Variants in SLC8A1 observed in about 807,000 individuals in gnomAD.
The protein encoded by SLC8A1 is solute carrier family 8 member A1.
In SLC8A1, 18 loss-of-function variants were observed where a neutral mutation model predicts 68.3. That is an observed-to-expected ratio of 0.26 (90% CI 0.18 to 0.39). SLC8A1 has a LOEUF of 0.39. SLC8A1 is among the 10% of genes least tolerant of loss of function. The probability of loss-of-function intolerance (pLI) is 1.00; values close to 1 mark genes in which losing one functional copy is unlikely to be tolerated. For synonymous variants in SLC8A1, 475 were observed against 415.5 expected (o/e 1.14, Z -1.74); for missense variants, 985 against 1,156.7 (o/e 0.85, Z 2.15).
At chr2:40,115,669 T>G in intron 7 of SLC8A1, 40 bp from the exon 11 acceptor site, 2 of 1,574,494 alleles carry the variant, frequency 1.3e-6, no homozygotes, top group Non-Finnish European at 1.7e-6. Context: ...ACTCAATCTT[T>G]TAGAGATGTC....
At chr2:40,440,430 T>C (rs1700250428) in intron 1 of SLC8A1, among the ~76,000 whole-genome samples, 1 of 152,188 alleles carries the variant, frequency 6.6e-6, no homozygotes, top group South Asian at 2.1e-4. Context: ...CCTTTGCTAA[T>C]GCAACAATTA....
chr2:40,500,794 AC>A (rs1706009851), intron 1 of SLC8A1, among the ~76,000 whole-genome samples: 1 of 46,026 alleles, frequency 2.2e-5, no homozygotes, highest in Non-Finnish European at 4.1e-5. Flanking sequence ...TTATCATCTG[AC>A]TTTTTTTTTT....
chr2:40,348,528 G>C (rs953894392), intron 2 of SLC8A1, among the ~76,000 whole-genome samples: 1 of 152,154 alleles, frequency 6.6e-6, no homozygotes, highest in African/African-American at 2.4e-5. Context: ...ATCTGCGCAA[G>C]AAACATATGA....
Position 40,413,175 on chromosome 2 carries a change from A to G in SLC8A1, c.1808+15298T>C, listed in dbSNP as rs569717196. ...GGTGGGACTGTAAACTAGTTCAACC[A>G]TTGTGGAAGTCGGTGTGGCGATTCC... On this transcript the variant is annotated intron_variant, in intron 2 of 7. Transcript: ENST00000406785. 1.4e-4 allele frequency among the ~76,000 whole-genome samples: 21 copies of G among 152,320 alleles called. No homozygotes were observed. The East Asian group carries it at 3.7e-3, about 27-fold the overall frequency.
chr2:40,206,521 A>G (rs1027480351), intron 2 of SLC8A1, among the ~76,000 whole-genome samples: 2 of 152,064 alleles, frequency 1.3e-5, no homozygotes, highest in East Asian at 1.9e-4. Context: ...TAGGAATTGT[A>G]TACTGTAGTT....
intron 2 of SLC8A1, among the ~76,000 whole-genome samples, chr2:40,349,457 G>A (rs1401041214): frequency 6.6e-6 from 1 of 152,182 alleles, no homozygotes; most frequent in Admixed American, 6.5e-5. Context: ...CTAGTTACCA[G>A]TGAAGTCAGA....
At chr2:40,507,167 C>A (rs563618372) in intron 1 of SLC8A1, among the ~76,000 whole-genome samples, 228 of 151,746 alleles carry the variant, frequency 1.5e-3, no homozygotes, top group African/African-American at 5.3e-3. Context: ...GTGATAGGTC[C>A]CTCAATATAA....
intron 7 of SLC8A1, among the ~76,000 whole-genome samples, chr2:40,134,716 A>T (rs1490869848): frequency 6.6e-6 from 1 of 152,196 alleles, no homozygotes; most frequent in Non-Finnish European, 1.5e-5. Context: ...GATTGAACCA[A>T]CTTGTACTAA....
intron 2 of SLC8A1, among the ~76,000 whole-genome samples, chr2:40,368,642 C>T (rs1677025851): frequency 6.6e-6 from 1 of 152,000 alleles, no homozygotes; most frequent in South Asian, 2.1e-4. Context: ...GTTTGTTACA[C>T]AGGTAAACTT....
At chr2:40,217,665 A>G (rs1375591088) in intron 2 of SLC8A1, among the ~76,000 whole-genome samples, 4 of 152,142 alleles carry the variant, frequency 2.6e-5, no homozygotes, top group Non-Finnish European at 4.4e-5. Context: ...ACCCTAGACA[A>G]TGAGTAGGAA....
At chr2:40,278,624 T>C (rs2067091384) in intron 2 of SLC8A1, among the ~76,000 whole-genome samples, 1 of 152,146 alleles carries the variant, frequency 6.6e-6, no homozygotes, top group Non-Finnish European at 1.5e-5. Context: ...CATACCTCAG[T>C]GTGAGAGAGT....
chr2:40,381,942 G>T (rs567928162), intron 2 of SLC8A1, among the ~76,000 whole-genome samples: 3 of 151,776 alleles, frequency 2.0e-5, no homozygotes, highest in Non-Finnish European at 4.4e-5. Flanking sequence ...CTACAAACCC[G>T]ATTTTAGTCA....
intron 2 of SLC8A1, among the ~76,000 whole-genome samples, chr2:40,419,006 CAG>C: frequency 6.6e-6 from 1 of 152,310 alleles, no homozygotes; most frequent in Middle Eastern, 3.4e-3. Context: ...AAAGAAGGCA[CAG>C]AGAGGCTTTA....
At chr2:40,180,516 A>C (rs2148580098) in intron 2 of SLC8A1, among the ~76,000 whole-genome samples, 1 of 152,302 alleles carries the variant, frequency 6.6e-6, no homozygotes, top group Non-Finnish European at 1.5e-5. Flanking sequence ...TTTCTACAAA[A>C]ACAAACAGCA....
chr2:40,447,461 A>T (rs905095157), intron 1 of SLC8A1, among the ~76,000 whole-genome samples: 3 of 151,930 alleles, frequency 2.0e-5, no homozygotes, highest in Admixed American at 2.0e-4. Flanking sequence ...TTCCCCACCA[A>T]AATGGCCCTG....
intron 2 of SLC8A1, among the ~76,000 whole-genome samples, chr2:40,255,447 C>T (rs1229728654): frequency 6.6e-6 from 1 of 152,168 alleles, no homozygotes; most frequent in African/African-American, 2.4e-5. Flanking sequence ...TTCTTCTAAA[C>T]TATTTTGTAC....
chr2:40,380,802 C>A (rs1364892036), intron 2 of SLC8A1, among the ~76,000 whole-genome samples: 1 of 152,072 alleles, frequency 6.6e-6, no homozygotes, highest in Non-Finnish European at 1.5e-5. Context: ...CTGGCTACAG[C>A]TAGATCTGGC....
chr2:40,485,255 G>A (rs1177688843), intron 1 of SLC8A1, among the ~76,000 whole-genome samples: 1 of 152,068 alleles, frequency 6.6e-6, no homozygotes, highest in Non-Finnish European at 1.5e-5. Context: ...ATATGGAACC[G>A]GACATTCTGC....
At chr2:40,437,983 G>A (rs186584680) in intron 1 of SLC8A1, among the ~76,000 whole-genome samples, 146 of 152,012 alleles carry the variant, frequency 9.6e-4, no homozygotes, top group Middle Eastern at 6.8e-3. Flanking sequence ...GACTTTCCTG[G>A]CATTTGAACA....
Sources: allele counts gnomAD v4.1 joint callset (sites outside exome capture counted in the v4.1 genomes callset), GRCh38; gene constraint gnomAD v4.1.1; transcripts MANE v1.5; gene names NCBI Gene and HGNC (gene_info 2026-07-23, HGNC 2026-07-21).